REPS2: variants seen among roughly 807,000 people sequenced by gnomAD.
REPS2 encodes RALBP1 associated Eps domain containing 2, also known as ralBP1-associated Eps domain-containing protein 2.
REPS2 carries 23 observed loss-of-function variants against 53.6 expected under a neutral mutation model. The observed-to-expected ratio is 0.43, with a 90% confidence interval of 0.31 to 0.61. The LOEUF (loss-of-function observed/expected upper bound fraction) is 0.61, where lower values mean the gene tolerates loss of function less well. REPS2 is among the 20% of genes least tolerant of loss of function. The probability of loss-of-function intolerance (pLI) is 0.11; values close to 1 mark genes in which losing one functional copy is unlikely to be tolerated. For synonymous variants in REPS2, 238 were observed against 218.6 expected, an observed-to-expected ratio of 1.09 and a Z score of -0.78; for missense variants, 446 against 534.9, an observed-to-expected ratio of 0.83 and a Z score of 1.64.
chrX:16,960,393 A>G (rs2060645536), intron 1 of REPS2, among the ~76,000 whole-genome samples: 1 of 111,412 alleles, frequency 9.0e-6, no homozygotes, highest in Non-Finnish European at 1.9e-5. Context: ...AGAAAAACCC[A>G]TGATCATTTC....
At chrX:17,069,458 C>T (rs1341451622) in intron 10 of REPS2, among the ~76,000 whole-genome samples, 2 of 112,364 alleles carry the variant, frequency 1.8e-5, no homozygotes, top group Non-Finnish European at 3.8e-5. Flanking sequence ...ATTGCATGTT[C>T]TCTATTTAAA....
At chrX:17,164,529 A>C in the REPS2 span, among the ~76,000 whole-genome samples, 6 of 112,460 alleles carry the variant, frequency 5.3e-5, no homozygotes, top group Non-Finnish European at 1.1e-4. Context: ...GAGTCAATTC[A>C]TCAGGAAGAT....
At chrX:17,137,446 C>T (rs1377415677) in intron 16 of REPS2, 3 of 111,342 alleles carry the variant, frequency 2.7e-5, no homozygotes, top group Admixed American at 9.5e-5. Flanking sequence ...TGTATTCACA[C>T]CCTTTGCCCA....
At chrX:17,134,128 C>T (rs1319810466) in intron 15 of REPS2, among the ~76,000 whole-genome samples, 9 of 111,581 alleles carry the variant, frequency 8.1e-5, no homozygotes, top group Non-Finnish European at 7.5e-5. Context: ...TACTCAACCT[C>T]CTTAGCCCCC....
At chrX:17,120,102 C>T (rs1430522898) in intron 14 of REPS2, among the ~76,000 whole-genome samples, 1 of 111,174 alleles carries the variant, frequency 9.0e-6, no homozygotes, top group Non-Finnish European at 1.9e-5. Context: ...GTCTGGAACT[C>T]CTGACCTTGT....
intron 17 of REPS2, among the ~76,000 whole-genome samples, chrX:17,142,825 A>T (rs2063463711): frequency 8.9e-6 from 1 of 112,091 alleles, no homozygotes; most frequent in Non-Finnish European, 1.9e-5. Flanking sequence ...CATGTGACCC[A>T]GCTGTCTCTC....
the REPS2 span, among the ~76,000 whole-genome samples, chrX:17,179,427 G>T: frequency 1.8e-5 from 2 of 111,117 alleles, no homozygotes; most frequent in Non-Finnish European, 3.8e-5. Context: ...TAAGTGGAGA[G>T]AAACCAAGGA....
chrX:16,995,279 C>G (rs1056484785), intron 1 of REPS2, among the ~76,000 whole-genome samples: 11 of 112,193 alleles, frequency 9.8e-5, no homozygotes, highest in African/African-American at 2.9e-4. Context: ...ACTCCATTCA[C>G]TGGCATAGTG....
chrX:17,155,123 A>G (rs2063602883), downstream of REPS2, among the ~76,000 whole-genome samples: 2 of 112,179 alleles, frequency 1.8e-5, no homozygotes, highest in African/African-American at 6.5e-5. Flanking sequence ...TGGATAATTT[A>G]TAAAGAAACG....
At chrX:17,044,188 C>T (rs1007290060) in intron 5 of REPS2, among the ~76,000 whole-genome samples, 1 of 110,915 alleles carries the variant, frequency 9.0e-6, no homozygotes, top group Non-Finnish European at 1.9e-5. Context: ...TCAAGAGGAG[C>T]TAGAAAGCAG....
At chrX:17,018,594 CTTTCTTTCT>C (rs1479815569) in intron 2 of REPS2, among the ~76,000 whole-genome samples, 1 of 50,360 alleles carries the variant, frequency 2.0e-5, no homozygotes, top group Non-Finnish European at 3.2e-5. Flanking sequence ...TCACTTCTTT[CTTTCTTTCT>C]TTTTTTTTTT....
At chrX:17,132,898 G>A (rs1360093350) in intron 14 of REPS2, among the ~76,000 whole-genome samples, 2 of 112,250 alleles carry the variant, frequency 1.8e-5, no homozygotes, top group East Asian at 2.8e-4. Context: ...GACGTGTTCC[G>A]TGTGCTAACA....
Position 17,085,437 on chromosome X carries a change from G to C in REPS2, c.1516+8030G>C, listed in dbSNP as rs1002564714. 4.5e-5 allele frequency among the ~76,000 whole-genome samples: 5 copies of C among 111,799 alleles called. No homozygotes were observed. The Admixed American group carries it at 4.7e-4, about 11-fold the overall frequency. On this transcript the variant is annotated intron_variant, in intron 13 of 17. Transcript: ENST00000357277. ...AAAAAGCCAGCTGGGATTTTGGTATGGCTTGCATTGAATTTGTATATCAGT... is the reference window on the plus strand; with the variant it reads ...AAAAAGCCAGCTGGGATTTTGGTATCGCTTGCATTGAATTTGTATATCAGT...
At chrX:17,105,699 G>A (rs931499718) in intron 14 of REPS2, among the ~76,000 whole-genome samples, 2 of 112,122 alleles carry the variant, frequency 1.8e-5, no homozygotes, top group African/African-American at 6.5e-5. Flanking sequence ...TCAGGAACAG[G>A]TGTGTAAGAA....
intron 1 of REPS2, among the ~76,000 whole-genome samples, chrX:16,989,035 T>C (rs957518932): frequency 6.3e-5 from 7 of 111,656 alleles, no homozygotes; most frequent in African/African-American, 2.3e-4. Context: ...GGAATCAGTC[T>C]GTAAGATTTT....
chrX:17,175,424 A>G, the REPS2 span, among the ~76,000 whole-genome samples: 14 of 112,603 alleles, frequency 1.2e-4, no homozygotes, highest in African/African-American at 4.5e-4. Flanking sequence ...TCACTAGCAA[A>G]GGACAAAAGC....
At chrX:17,057,960 T>A (rs979076293) in intron 8 of REPS2, among the ~76,000 whole-genome samples, 1 of 112,328 alleles carries the variant, frequency 8.9e-6, no homozygotes, top group Middle Eastern at 4.6e-3. Context: ...CTTCGCCGTG[T>A]CCTCTTTCAA....
intron 15 of REPS2, 101 bp from the exon 16 acceptor site, chrX:17,135,160 C>A: frequency 1.1e-6 from 1 of 881,549 alleles, no homozygotes; most frequent in Admixed American, 2.9e-5. Flanking sequence ...CCCTCCTGAT[C>A]TTGGGGTTGG....
chrX:17,160,740 A>G, the REPS2 span, among the ~76,000 whole-genome samples: 1 of 112,594 alleles, frequency 8.9e-6, no homozygotes, highest in Non-Finnish European at 1.9e-5. Context: ...CCCAGAAGGT[A>G]AAGTTGAGAG....
Sources: allele counts gnomAD v4.1 joint callset (sites outside exome capture counted in the v4.1 genomes callset), GRCh38; gene constraint gnomAD v4.1.1; transcripts MANE v1.5; gene names NCBI Gene and HGNC (gene_info 2026-07-23, HGNC 2026-07-21).